SEC61A2: variants seen among roughly 807,000 people sequenced by gnomAD.
SEC61A2 encodes the protein protein transport protein Sec61 subunit alpha isoform 2.
SEC61A2 carries 28 observed loss-of-function variants against 59.9 expected under a neutral mutation model. The observed-to-expected ratio is 0.47, with a 90% CI of 0.35 to 0.64. The LOEUF (loss-of-function observed/expected upper bound fraction) is 0.64, where lower values mean the gene tolerates loss of function less well. SEC61A2 is among the 30% of genes least tolerant of loss of function. The pLI, the probability that SEC61A2 is intolerant of heterozygous loss-of-function variation, is 0.01. For missense variants in SEC61A2, 340 were observed against 585.9 expected, an observed-to-expected ratio of 0.58 and a Z score of 4.33; for synonymous variants, 202 against 214.4, an observed-to-expected ratio of 0.94 and a Z score of 0.50.
chr10:12,160,042 C>T lies in SEC61A2; in HGVS notation c.976-888C>T, dbSNP rs983206749. ...TGTTGTATTCTGGCTAATATTATAT[C>T]GAGGACAGGAAAGTCAAGAGACAGG... On this transcript the variant is annotated intron_variant, in intron 9 of 11. Coordinates refer to ENST00000298428, the MANE Select transcript of SEC61A2 (RefSeq NM_018144.4). This position sits in a 1 kb window ranked among gnomAD's most constrained non-coding sequence, Gnocchi z 4.1. Among the ~76,000 whole-genome samples the T allele has an allele frequency of 4.6e-5, 7 of 152,126 alleles. No individual in the cohort carries two copies. The highest frequency in any genetic ancestry group is 3.4e-3 in the Middle Eastern group (1 of 294).
intron 3 of SEC61A2, among the ~76,000 whole-genome samples, chr10:12,139,877 G>T (rs1282039701): frequency 6.6e-6 from 1 of 151,602 alleles, no homozygotes; most frequent in Non-Finnish European, 1.5e-5. Flanking sequence ...GCTGAGGCAG[G>T]AGAATGGCGT....
rs148501052 is a variant in SEC61A2, at chr10:12,138,562, A to G, written c.141+2392A>G. Among the ~76,000 whole-genome samples, 50 of 152,310 alleles carry G rather than the reference A, an allele frequency of 3.3e-4. No homozygotes were observed. In the East Asian group the frequency reaches 7.5e-3, roughly 23 times the overall value. ...TCTCCACAGGCCCAGGCTACCACTC[A>G]TCTGCATCCTGTGACTGTACTTTGA... is the stretch of plus-strand genomic sequence containing the variant. On this transcript the variant is annotated intron_variant, in intron 3 of 11. Coordinates refer to ENST00000298428, the MANE Select transcript of SEC61A2 (RefSeq NM_018144.4).
Position 12,153,725 on chromosome 10 carries a change from G to A in SEC61A2, c.463-2053G>A, listed in dbSNP as rs761821197. ...ATTGTAGGTGGGCAGTGACCCATTG[G>A]TGTCTTTTCAAGGCGTTACTAACAT... On this transcript the variant is annotated intron_variant, in intron 6 of 11. Transcript: ENST00000298428. This position sits in a 1 kb window ranked among gnomAD's most constrained non-coding sequence, Gnocchi z 5.2. 82 of 1,610,846 alleles carry A rather than the reference G, an allele frequency of 5.1e-5. No individual in the cohort carries two copies. Among genetic ancestry groups the A allele is most frequent in the Non-Finnish European group, 6.5e-5 (77 of 1,179,198 alleles).
Position 12,149,944 on chromosome 10 carries a change from C to G in SEC61A2, c.445C>G (p.Leu149Val), listed in dbSNP as rs1288622142. ...DPAEMGAGIC[L>V]LIIIQLFVAG... is the part of the protein sequence containing the mutation. The stretch of plus-strand genomic sequence containing the variant: ...TGCAGAAATGGGTGCCGGAATCTGT[C>G]TCCTGATCATCATTCAGGTAAGAAA... Residue 149 changes from leucine (L) to valine (V), a missense_variant, in exon 6 of 12, where the codon CTC becomes GTC. Leu to Val is a conservative substitution (Grantham distance 32). This residue lies in a region of SEC61A2 where 283 missense variants were observed against 483.2 expected (regional missense o/e 0.59). Coordinates refer to ENST00000298428, the MANE Select transcript of SEC61A2 (RefSeq NM_018144.4). The surrounding 1 kb of genome is among the most constrained non-coding windows in gnomAD (Gnocchi z 5.2). 5.6e-6 allele frequency: 9 copies of G among 1,608,588 alleles called. No homozygotes were observed. Among genetic ancestry groups the G allele is most frequent in the Non-Finnish European group, 7.7e-6 (9 of 1,174,976 alleles).
downstream of SEC61A2, chr10:12,166,246 G>A (rs1588650394): frequency 6.5e-6 from 1 of 153,212 alleles, no homozygotes; most frequent in South Asian, 2.0e-4. Flanking sequence ...GTCTACGGAT[G>A]CCTTCTCTCT....
chr10:12,139,701 A>G (rs1463002732), intron 3 of SEC61A2, among the ~76,000 whole-genome samples: 3 of 151,896 alleles, frequency 2.0e-5, no homozygotes, highest in Admixed American at 6.6e-5. Flanking sequence ...GGAGAATGGC[A>G]TGAACCCAGG....
At chr10:12,137,650 G>A (rs1833918889) in intron 3 of SEC61A2, among the ~76,000 whole-genome samples, 2 of 152,154 alleles carry the variant, frequency 1.3e-5, no homozygotes, top group Admixed American at 1.3e-4. Context: ...TAAGTTCACA[G>A]TGTGAGTATA....
chr10:12,169,432 G>A (rs1322854484), downstream of SEC61A2: 16 of 786,850 alleles, frequency 2.0e-5, no homozygotes, highest in Non-Finnish European at 2.8e-5. The surrounding 1 kb of genome is among the most constrained non-coding windows in gnomAD (Gnocchi z 4.8). Context: ...GAAAAAAGCC[G>A]AGAGAGGCTA....
intron 2 of SEC61A2, 24 bp downstream of exon 2, chr10:12,133,332 T>C (rs201689125): frequency 1.9e-5 from 24 of 1,245,378 alleles, no homozygotes; most frequent in Non-Finnish European, 2.8e-5. Context: ...TTTAGTAATA[T>C]AGAGGGTAGC....
At chr10:12,141,304 C>G (rs746276184) in intron 3 of SEC61A2, among the ~76,000 whole-genome samples, 4 of 152,182 alleles carry the variant, frequency 2.6e-5, no homozygotes, top group Non-Finnish European at 5.9e-5. Flanking sequence ...TAAATTCAGA[C>G]TTTCAGGGAG....
rs1169466817 is a variant in SEC61A2 at position 12,149,678 on chromosome 10, G to A, written c.304G>A (p.Val102Ile). ...QLLAGAKIIEVGDTPKDRALF... is the reference protein window; with the variant it reads ...QLLAGAKIIEIGDTPKDRALF... ...GTTAGCTGGAGCCAAAATCATTGAA[G>A]TTGGAGATACACCGAAAGATAGAGC... Residue 102 changes from valine to isoleucine, a missense_variant, in exon 5 of 12, where the codon GTT (valine) becomes ATT (isoleucine). Around this residue, in one of 3 missense-constraint regions of SEC61A2, gnomAD observed 283 missense variants for 483.2 expected, o/e 0.59. Transcript: ENST00000298428. This position sits in a 1 kb window ranked among gnomAD's most constrained non-coding sequence, Gnocchi z 5.2. The A allele has an allele frequency of 1.2e-6, 2 of 1,614,022 alleles. No individual in the cohort carries two copies. Among genetic ancestry groups the A allele is most frequent in the South Asian group, 2.2e-5 (2 of 91,046 alleles).
chr10:12,141,161 A>G (rs1465668203), intron 3 of SEC61A2, among the ~76,000 whole-genome samples: 1 of 152,206 alleles, frequency 6.6e-6, no homozygotes, highest in Admixed American at 6.5e-5. Context: ...TGGACTCCCA[A>G]GATACTGGTG....
At chr10:12,148,634 G>A (rs987090659) in intron 4 of SEC61A2, among the ~76,000 whole-genome samples, 2 of 151,272 alleles carry the variant, frequency 1.3e-5, no homozygotes, top group African/African-American at 2.4e-5. Flanking sequence ...CCAACTCCTC[G>A]GTTCAAGGGA....
rs1314572805 is a variant in SEC61A2, at chr10:12,164,629, G to A, written c.*175G>A. On this transcript the variant is annotated 3_prime_UTR_variant, in exon 12 of 12. Coordinates refer to ENST00000298428, the MANE Select transcript of SEC61A2 (RefSeq NM_018144.4). The surrounding 1 kb of genome is among the most constrained non-coding windows in gnomAD (Gnocchi z 7.3). ...AAGTCTGTGTGCAGCATTAGTACCC[G>A]CTGCCTTAAAACTCAAGTTTACATT... The A allele has an allele frequency of 1.3e-5, 18 of 1,395,818 alleles. No homozygotes were observed. The highest frequency in any genetic ancestry group is 2.8e-5 in the East Asian group (1 of 35,426). The allele number at this position is 1,395,818 out of a possible 1,614,324, so 86.5% of individuals were successfully genotyped here. A position where few individuals can be genotyped will look rare whatever the true frequency, so the allele number is the denominator to read the frequency against.
At chr10:12,163,315 T>A (rs1236500971) in intron 11 of SEC61A2, among the ~76,000 whole-genome samples, 1 of 4,736 alleles carries the variant, frequency 2.1e-4, no homozygotes, top group Non-Finnish European at 8.6e-4. Context: ...CAGCTAGCTT[T>A]TTTTTTTTTT....
rs1405458548 is a variant in SEC61A2 at position 12,129,974 on chromosome 10, C to A, written c.7+180C>A. On this transcript the variant is annotated intron_variant, in intron 1 of 11. Coordinates refer to ENST00000298428, the MANE Select transcript of SEC61A2 (RefSeq NM_018144.4). This position sits in a 1 kb window ranked among gnomAD's most constrained non-coding sequence, Gnocchi z 5.6. ...CCGAGGCTCCCCTAGCCGTGCGAGG[C>A]CTTGCCCGGCGGGTACCGGGACCCG... Among the ~76,000 whole-genome samples, 1 of 152,140 alleles carries A rather than the reference C, an allele frequency of 6.6e-6. No individual in the cohort carries two copies. Among genetic ancestry groups the A allele is most frequent in the Non-Finnish European group, 1.5e-5 (1 of 68,016 alleles).
chr10:12,138,024 G>C (rs940642655), intron 3 of SEC61A2, among the ~76,000 whole-genome samples: 1 of 151,806 alleles, frequency 6.6e-6, no homozygotes, highest in Non-Finnish European at 1.5e-5. Context: ...TAAATACATA[G>C]ATACATACAT....
Position 12,160,791 on chromosome 10 carries a change from T to C in SEC61A2, c.976-139T>C. 1.6e-6 allele frequency: 1 copy of C among 643,022 alleles called. No homozygotes were observed. 39.8% of individuals were successfully genotyped at this position (643,022 alleles called of 1,614,324 possible). A position where few individuals can be genotyped will look rare whatever the true frequency, so the allele number is the denominator to read the frequency against. On this transcript the variant is annotated intron_variant, in intron 9 of 11. Transcript: ENST00000298428. The surrounding 1 kb of genome is among the most constrained non-coding windows in gnomAD (Gnocchi z 4.1). ...TGAAGGTAGTAGACACAAAAGTACA[T>C]TCTGAAACTACATAGAATGACTAGC...
In SEC61A2 at chr10:12,165,318, G is replaced by C. The variant is rs1834642081; in HGVS notation, c.*864G>C. The C allele has an allele frequency of 1.0e-6, 1 of 983,818 alleles. No homozygotes were observed. The highest frequency in any genetic ancestry group is 1.2e-6 in the Non-Finnish European group (1 of 828,564). The allele number at this position is 983,818 out of a possible 1,614,324, so 60.9% of individuals were successfully genotyped here. A position where few individuals can be genotyped will look rare whatever the true frequency, so the allele number is the denominator to read the frequency against. Reference sequence around the variant, plus strand: ...TGTGTCTGTTGTTGTACTCACAGCAGCAACATGAGTGTAAACAGTAGACAA... The same window carrying C: ...TGTGTCTGTTGTTGTACTCACAGCACCAACATGAGTGTAAACAGTAGACAA... On this transcript the variant is annotated 3_prime_UTR_variant, in exon 12 of 12. Transcript: ENST00000298428.
Sources: gnomAD v4.1 joint callset for allele counts (sites outside exome capture counted in the v4.1 genomes callset) on GRCh38, gnomAD v4.1.1 for gene constraint, gnomAD v4.1.1 regional missense constraint, Gnocchi (gnomAD v3.1) non-coding constraint, MANE v1.5 for transcripts, NCBI Gene and HGNC (gene_info 2026-07-23, HGNC 2026-07-21) for gene names.